Variants in SPOCK1 observed in about 807,000 individuals in gnomAD.
SPOCK1 encodes the protein SPARC (osteonectin), cwcv and kazal like domains proteoglycan 1.
A neutral mutation model predicts 55.3 loss-of-function variants in SPOCK1; 23 were observed. The ratio of observed to expected loss-of-function variants is 0.42; its 90% confidence interval spans 0.30 to 0.59. The LOEUF (loss-of-function observed/expected upper bound fraction) is 0.59, where lower values mean the gene tolerates loss of function less well. Ranked by LOEUF, SPOCK1 falls within the 20% of genes least tolerant of loss-of-function variation. The probability of loss-of-function intolerance (pLI) is 0.22; values close to 1 mark genes in which losing one functional copy is unlikely to be tolerated. For missense variants in SPOCK1, 499 were observed against 552.5 expected (o/e 0.90, Z 0.97); for synonymous variants, 226 against 221.0 (o/e 1.02, Z -0.20).
At chr5:137,213,000 T>C (rs1226782865) in intron 3 of SPOCK1, among the ~76,000 whole-genome samples, 2 of 152,154 alleles carry the variant, frequency 1.3e-5, no homozygotes, top group Non-Finnish European at 2.9e-5. Flanking sequence ...GCCATGAGTC[T>C]TGGTTTCAAT....
At chr5:137,391,374 A>C (rs1411133346) in intron 2 of SPOCK1, among the ~76,000 whole-genome samples, 2 of 152,068 alleles carry the variant, frequency 1.3e-5, no homozygotes, top group African/African-American at 2.4e-5. Context: ...GTGCTGGTGA[A>C]TATTGAGGGA....
chr5:137,049,085 G>A (rs1209813830), intron 6 of SPOCK1, among the ~76,000 whole-genome samples: 11 of 134,316 alleles, frequency 8.2e-5, no homozygotes, highest in East Asian at 4.9e-4. Context: ...TTTTTCCTTC[G>A]TTTCAACTTT....
intron 2 of SPOCK1, among the ~76,000 whole-genome samples, chr5:137,382,102 C>A (rs1751483784): frequency 6.6e-6 from 1 of 152,184 alleles, no homozygotes; most frequent in Non-Finnish European, 1.5e-5. Context: ...AATCATCTCT[C>A]TTGAGTTCCA....
intron 2 of SPOCK1, among the ~76,000 whole-genome samples, chr5:137,415,841 T>C (rs1752316695): frequency 6.6e-6 from 1 of 152,200 alleles, no homozygotes; most frequent in Non-Finnish European, 1.5e-5. Flanking sequence ...ACTGTTATCT[T>C]GGCAACCCTG....
At chr5:137,102,644 C>T (rs372056714) in intron 5 of SPOCK1, among the ~76,000 whole-genome samples, 2 of 152,050 alleles carry the variant, frequency 1.3e-5, no homozygotes, top group Middle Eastern at 3.2e-3. Flanking sequence ...GTTTTTCACT[C>T]GTGGAAGTAA....
At chr5:137,259,210 T>G (rs1756698629) in intron 3 of SPOCK1, among the ~76,000 whole-genome samples, 1 of 152,120 alleles carries the variant, frequency 6.6e-6, no homozygotes, top group South Asian at 2.1e-4. Flanking sequence ...TGCGACACTG[T>G]TCACAATAGC....
At chr5:137,044,085 T>C (rs1752055399) in intron 6 of SPOCK1, among the ~76,000 whole-genome samples, 1 of 152,182 alleles carries the variant, frequency 6.6e-6, no homozygotes, top group Admixed American at 6.5e-5. Flanking sequence ...TTAATGACTT[T>C]GGGATATAGT....
At chr5:137,425,193 A>AATGG (rs5871635) in intron 2 of SPOCK1, among the ~76,000 whole-genome samples, 139,859 of 152,072 alleles carry the variant, frequency 0.92, 65,081 homozygotes, top group East Asian at 1. Flanking sequence ...GGCTTAGTAC[A>AATGG]ATGGCCTTAC....
chr5:137,196,661 T>C (rs1216092841), intron 3 of SPOCK1, among the ~76,000 whole-genome samples: 1 of 152,228 alleles, frequency 6.6e-6, no homozygotes, highest in African/African-American at 2.4e-5. Flanking sequence ...TATCAGATCT[T>C]GCTTTTATAA....
intron 2 of SPOCK1, among the ~76,000 whole-genome samples, chr5:137,291,006 T>G (rs964656059): frequency 2.0e-5 from 3 of 152,182 alleles, no homozygotes; most frequent in African/African-American, 7.2e-5. Context: ...TCAAGTGAAG[T>G]AACTAAGCAC....
intron 5 of SPOCK1, among the ~76,000 whole-genome samples, chr5:137,085,981 C>T (rs1752955115): frequency 1.3e-5 from 2 of 152,150 alleles, no homozygotes; most frequent in Non-Finnish European, 2.9e-5. Flanking sequence ...TCCTCGTTCT[C>T]CCATCTATAG....
intron 4 of SPOCK1, among the ~76,000 whole-genome samples, chr5:137,132,649 G>A (rs1184473572): frequency 6.6e-6 from 1 of 152,174 alleles, no homozygotes; most frequent in Admixed American, 6.5e-5. Flanking sequence ...ATTAGCATCT[G>A]AGCATGTGCA....
At chr5:137,361,788 T>C (rs1750951263) in intron 2 of SPOCK1, among the ~76,000 whole-genome samples, 2 of 152,180 alleles carry the variant, frequency 1.3e-5, no homozygotes, top group Admixed American at 6.5e-5. Flanking sequence ...GAAAAAAACT[T>C]GTCCTCACAT....
rs190653837 is a variant in SPOCK1 at position 137,010,438 on chromosome 5, G to A, written c.590-17838C>T. ...TGGACTTGCGAGGAAGGGAGGGGCA[G>A]GGAGAAATGCATGTGTGTGGGACAC... On this transcript the variant is annotated intron_variant, in intron 6 of 10. Transcript: ENST00000394945. Among the ~76,000 whole-genome samples, 15 of 152,026 alleles carry A rather than the reference G, an allele frequency of 9.9e-5. No individual in the cohort carries two copies. In the East Asian group the frequency reaches 2.9e-3, roughly 30 times the overall value.
intron 2 of SPOCK1, among the ~76,000 whole-genome samples, chr5:137,481,290 T>C (rs770121597): frequency 1.1e-4 from 17 of 152,244 alleles, no homozygotes; most frequent in Admixed American, 5.2e-4. Context: ...GTATTACAGC[T>C]ATTTACCTGT....
chr5:137,392,984 C>A (rs1274613059), intron 2 of SPOCK1, among the ~76,000 whole-genome samples: 1 of 152,188 alleles, frequency 6.6e-6, no homozygotes. Flanking sequence ...CTGTGACTCT[C>A]CTCTGCTCAT....
chr5:137,068,168 T>C (rs1274818412), intron 5 of SPOCK1, among the ~76,000 whole-genome samples: 1 of 152,156 alleles, frequency 6.6e-6, no homozygotes, highest in Non-Finnish European at 1.5e-5. Flanking sequence ...TCCATTCACT[T>C]TGAGGCATCT....
intron 3 of SPOCK1, among the ~76,000 whole-genome samples, 182 bp downstream of exon 3, chr5:137,266,828 A>G (rs1756861292): frequency 6.6e-6 from 1 of 152,144 alleles, no homozygotes; most frequent in Admixed American, 6.6e-5. Context: ...CCTAGATATA[A>G]CCTCAGACAA....
At chr5:137,093,689 C>T (rs1753087670) in intron 5 of SPOCK1, among the ~76,000 whole-genome samples, 3 of 152,054 alleles carry the variant, frequency 2.0e-5, no homozygotes, top group Admixed American at 1.3e-4. Flanking sequence ...GGAGAAGGAG[C>T]CAGTCCCATG....
Sources: allele counts gnomAD v4.1 joint callset (sites outside exome capture counted in the v4.1 genomes callset), GRCh38; gene constraint gnomAD v4.1.1; transcripts MANE v1.5; gene names NCBI Gene and HGNC (gene_info 2026-07-23, HGNC 2026-07-21).